CCDC146: variants seen among roughly 807,000 people sequenced by gnomAD.
CCDC146 encodes coiled-coil domain-containing protein 146.
CCDC146 carries 92 observed loss-of-function variants against 119.3 expected under a neutral mutation model. The observed-to-expected ratio is 0.77, with a 90% CI of 0.65 to 0.92. The LOEUF is 0.92. Ranked by LOEUF, CCDC146 falls within the 40% of genes least tolerant of loss-of-function variation. The pLI is 0.00. For synonymous variants in CCDC146, 372 were observed against 371.8 expected, an observed-to-expected ratio of 1.00 and a Z score of -0.01; for missense variants, 1,000 against 1,103.0, an observed-to-expected ratio of 0.91 and a Z score of 1.32.
At chr7:77,221,153 T>C (rs999656166) in intron 2 of CCDC146, among the ~76,000 whole-genome samples, 3 of 152,088 alleles carry the variant, frequency 2.0e-5, no homozygotes, top group African/African-American at 7.2e-5. Context: ...ATACCATTCA[T>C]AAAGGATCCA....
intron 2 of CCDC146, among the ~76,000 whole-genome samples, chr7:77,192,839 C>T (rs1441215331): frequency 1.3e-5 from 2 of 151,966 alleles, no homozygotes; most frequent in African/African-American, 2.4e-5. Flanking sequence ...AGGAGAATGG[C>T]GTGAACCCAG....
intron 2 of CCDC146, among the ~76,000 whole-genome samples, chr7:77,219,343 T>A (rs1377592987): frequency 6.7e-6 from 1 of 149,376 alleles, no homozygotes; most frequent in Non-Finnish European, 1.5e-5. Flanking sequence ...TACTTTGTTA[T>A]GTATGGTTCT....
rs185637860 is a variant in CCDC146, at chr7:77,149,094, G to A, written c.-11-18564G>A. ...TTCAAACTATACTACAAAGCTACAG[G>A]AACCAAAACAGCATGGTACTGGCAC... is the stretch of plus-strand genomic sequence containing the variant. On this transcript the variant is annotated intron_variant, in intron 1 of 18. Coordinates refer to ENST00000285871, the MANE Select transcript of CCDC146 (RefSeq NM_020879.3). Among the ~76,000 whole-genome samples, 55 of 152,182 alleles carry A rather than the reference G, an allele frequency of 3.6e-4. 1 individual carries two copies. The highest frequency in any genetic ancestry group is 6.5e-4 in the Admixed American group (10 of 15,282).
chr7:77,203,346 T>C (rs1792029047), intron 2 of CCDC146, among the ~76,000 whole-genome samples: 1 of 152,090 alleles, frequency 6.6e-6, no homozygotes, highest in Admixed American at 6.6e-5. Flanking sequence ...ATTTCTGTTT[T>C]CAGTACACTG....
chr7:77,188,136 CTG>C (rs1280569340), intron 2 of CCDC146, among the ~76,000 whole-genome samples: 67 of 152,204 alleles, frequency 4.4e-4, no homozygotes, highest in Admixed American at 4.4e-3. Flanking sequence ...CCTGGAGTCT[CTG>C]TGAATCTGCT....
intron 2 of CCDC146, among the ~76,000 whole-genome samples, chr7:77,215,506 G>A (rs916297012): frequency 1.3e-5 from 2 of 152,048 alleles, no homozygotes; most frequent in Non-Finnish European, 2.9e-5. Context: ...TGGAGTAAGA[G>A]GTACTCATTG....
At chr7:77,263,578 C>T (rs971198284) in intron 9 of CCDC146, among the ~76,000 whole-genome samples, 15 of 152,220 alleles carry the variant, frequency 9.9e-5, no homozygotes, top group African/African-American at 3.6e-4. Context: ...GTGTTACGAA[C>T]AACTAGGACT....
intron 9 of CCDC146, among the ~76,000 whole-genome samples, chr7:77,269,300 T>C (rs1289136802): frequency 1.3e-5 from 2 of 152,152 alleles, no homozygotes; most frequent in Non-Finnish European, 2.9e-5. Flanking sequence ...TTTCATAGTA[T>C]CTTTAATCTC....
At chr7:77,148,014 C>T (rs138107927) in intron 1 of CCDC146, among the ~76,000 whole-genome samples, 1,666 of 152,294 alleles carry the variant, frequency 0.011, 24 homozygotes, top group African/African-American at 0.038. Flanking sequence ...AGAGGTGGAG[C>T]CTACAGAGGC....
intron 1 of CCDC146, among the ~76,000 whole-genome samples, chr7:77,127,809 C>T (rs1790710562): frequency 6.6e-6 from 1 of 152,044 alleles, no homozygotes; most frequent in African/African-American, 2.4e-5. Flanking sequence ...ATTCTGTCAT[C>T]CATATCCCTT....
Position 77,262,218 on chromosome 7 carries a change from C to G in CCDC146, c.1084C>G (p.Arg362Gly), listed in dbSNP as rs371350411. 1 of 1,613,886 alleles carries G rather than the reference C, an allele frequency of 6.2e-7. No homozygotes were observed. Among genetic ancestry groups the G allele is most frequent in the Non-Finnish European group, 8.5e-7 (1 of 1,179,956 alleles). The change falls in exon 9 of 19, where the codon CGA (arginine) becomes GGA (glycine). Residue 362 changes from arginine (R) to glycine (G), a missense_variant. Physicochemically the swap from Arg to Gly is moderately radical, Grantham distance 125 (BLOSUM62 -2). Transcript: ENST00000285871. ...RKQREKERDF[R>G]NLRKMELLLK... ...GCAAAGAGAGAAAGAACGAGATTTT[C>G]GAAATTTAAGAAAGATGGAACTGCT...
chr7:77,282,285 C>T (rs1793778142), intron 14 of CCDC146: 3 of 334,684 alleles, frequency 9.0e-6, no homozygotes, highest in Non-Finnish European at 1.6e-5. Context: ...TTCTTTCCCA[C>T]CCCAGGAAAA....
chr7:77,265,735 A>C (rs1793389490), intron 9 of CCDC146, among the ~76,000 whole-genome samples: 1 of 152,236 alleles, frequency 6.6e-6, no homozygotes, highest in Non-Finnish European at 1.5e-5. Flanking sequence ...GAAATCAATA[A>C]ACTAAAAATC....
chr7:77,239,139 A>G (rs1178490044), intron 3 of CCDC146, among the ~76,000 whole-genome samples: 1 of 152,190 alleles, frequency 6.6e-6, no homozygotes, highest in Non-Finnish European at 1.5e-5. Flanking sequence ...ATCATGTTTT[A>G]AATACATGTG....
intron 6 of CCDC146, chr7:77,257,362 A>T (rs1388666589): frequency 6.6e-6 from 1 of 152,178 alleles, no homozygotes; most frequent in African/African-American, 2.4e-5. Context: ...TTTAAAAACA[A>T]CATCTGAAAC....
chr7:77,164,255 C>A (rs1791308954), intron 1 of CCDC146, among the ~76,000 whole-genome samples: 1 of 151,898 alleles, frequency 6.6e-6, no homozygotes, highest in Admixed American at 6.6e-5. Flanking sequence ...CATTTAATAT[C>A]CATGAAAGGA....
At chr7:77,187,492 C>T (rs1259450425) in intron 2 of CCDC146, among the ~76,000 whole-genome samples, 1 of 152,206 alleles carries the variant, frequency 6.6e-6, no homozygotes, top group Non-Finnish European at 1.5e-5. Context: ...CAGGTTCTCA[C>T]TTAGGTGAGA....
In CCDC146 at chr7:77,131,073, G is replaced by A. The variant is rs186621751; in HGVS notation, c.-12+8341G>A. Among the ~76,000 whole-genome samples, 152 of 152,040 alleles carry A rather than the reference G, an allele frequency of 1.0e-3. 1 individual carries two copies. The highest frequency in any genetic ancestry group is 3.6e-3 in the African/African-American group (149 of 41,370). ...CACCTGGCCAATTTTTATAAAGACG[G>A]GGTTTCACCATGTCGGCCAGGCTGG... On this transcript the variant is annotated intron_variant, in intron 1 of 18. Coordinates refer to ENST00000285871, the MANE Select transcript of CCDC146 (RefSeq NM_020879.3).
chr7:77,174,804 G>A (rs556784984), intron 2 of CCDC146, among the ~76,000 whole-genome samples: 2 of 152,228 alleles, frequency 1.3e-5, no homozygotes, highest in Admixed American at 6.5e-5. Flanking sequence ...TTCCTGTTTT[G>A]AAGATAATGA....
Sources: gnomAD v4.1 joint callset for allele counts (sites outside exome capture counted in the v4.1 genomes callset) on GRCh38, gnomAD v4.1.1 for gene constraint, MANE v1.5 for transcripts, NCBI Gene and HGNC (gene_info 2026-07-23, HGNC 2026-07-21) for gene names.